PRKAG2: variants seen among roughly 807,000 people sequenced by gnomAD.
The protein encoded by PRKAG2 is 5'-AMP-activated protein kinase subunit gamma-2.
Under a neutral mutation model 69.6 loss-of-function variants are expected in PRKAG2, and 26 were observed. The ratio of observed to expected loss-of-function variants is 0.37; its 90% CI spans 0.27 to 0.52. PRKAG2 has a LOEUF of 0.52. PRKAG2 is among the 20% of genes least tolerant of loss of function. The probability of loss-of-function intolerance (pLI) is 0.90; values close to 1 mark genes in which losing one functional copy is unlikely to be tolerated. For synonymous variants in PRKAG2, 293 were observed against 285.0 expected, an observed-to-expected ratio of 1.03 and a Z score of -0.28; for missense variants, 557 against 740.0, an observed-to-expected ratio of 0.75 and a Z score of 2.87.
Position 151,837,998 on chromosome 7 carries a change from G to A in PRKAG2, c.114+38509C>T, listed in dbSNP as rs116505011. ...AGACACGCACAGGACCCTGGAGGAGGCCACACCTGGGCCTCGGGAACGCGC... is the reference window on the plus strand; with the variant it reads ...AGACACGCACAGGACCCTGGAGGAGACCACACCTGGGCCTCGGGAACGCGC... On this transcript the variant is annotated intron_variant, in intron 1 of 15. Transcript: ENST00000287878. Among the ~76,000 whole-genome samples the A allele has an allele frequency of 5.5e-3, 841 of 152,088 alleles. 8 individuals are homozygous for A. Among genetic ancestry groups the A allele is most frequent in the African/African-American group, 0.018 (760 of 41,488 alleles).
In PRKAG2 at chr7:151,591,945, C is replaced by T. The variant is rs539181080; in HGVS notation, c.864+3400G>A. 3.8e-4 allele frequency among the ~76,000 whole-genome samples: 58 copies of T among 152,274 alleles called. No homozygotes were observed. The South Asian group carries it at 7.5e-3, about 20-fold the overall frequency. ...GACCAAACAAGCTAGCCACGAGATG[C>T]GGAGACCATGCAACCTGAGCTCCCC... is the stretch of plus-strand genomic sequence containing the variant. On this transcript the variant is annotated intron_variant, in intron 6 of 15. Transcript: ENST00000287878.
In PRKAG2 at chr7:151,576,014, C is replaced by T. The variant is rs529953465; in HGVS notation, c.946+357G>A. Among the ~76,000 whole-genome samples the T allele has an allele frequency of 6.2e-4, 92 of 148,652 alleles. 1 individual carries two copies. The Middle Eastern group carries it at 0.018, about 29-fold the overall frequency. On this transcript the variant is annotated intron_variant, in intron 7 of 15. Coordinates refer to ENST00000287878, the MANE Select transcript of PRKAG2 (RefSeq NM_016203.4). ...TTTTTTTTTTTTTGACAGGGTCTCG[C>T]TCTGTCACCCAGGCTGGAGTACAGT... is the stretch of plus-strand genomic sequence containing the variant.
rs374511705 is a variant in PRKAG2 at position 151,794,641 on chromosome 7, A to G, written c.115-8100T>C. On this transcript the variant is annotated intron_variant, in intron 1 of 15. Coordinates refer to ENST00000287878, the MANE Select transcript of PRKAG2 (RefSeq NM_016203.4). ...CCCGCGGAAGCCAGGGCAGTTGCTC[A>G]CACTCAACCAAGGCCTGAGATCGGG... Among the ~76,000 whole-genome samples, 236 of 152,362 alleles carry G rather than the reference A, an allele frequency of 1.5e-3. 1 individual carries two copies. Among genetic ancestry groups the G allele is most frequent in the African/African-American group, 5.6e-3 (231 of 41,598 alleles).
At chr7:151,823,636 C>T (rs906865603) in intron 1 of PRKAG2, among the ~76,000 whole-genome samples, 1 of 152,060 alleles carries the variant, frequency 6.6e-6, no homozygotes, top group Non-Finnish European at 1.5e-5. Context: ...AACTCCACAT[C>T]AGAGGCTAGG....
chr7:151,575,985 ATTTT>A (rs34905653), intron 7 of PRKAG2, among the ~76,000 whole-genome samples: 2 of 142,374 alleles, frequency 1.4e-5, no homozygotes, highest in African/African-American at 2.6e-5. Context: ...AAAGCAAGGA[ATTTT>A]TTTTTTTTTT....
chr7:151,613,027 C>G (rs918269920), intron 5 of PRKAG2, among the ~76,000 whole-genome samples: 1 of 152,122 alleles, frequency 6.6e-6, no homozygotes, highest in African/African-American at 2.4e-5. Flanking sequence ...GGGAGCCCAG[C>G]CGATGTGTCC....
Position 151,632,094 on chromosome 7 carries a change from C to T in PRKAG2, c.729G>A (p.Leu243=). The T allele has an allele frequency of 1.4e-6, 2 of 1,417,318 alleles. No individual in the cohort carries two copies. Among genetic ancestry groups the T allele is most frequent in the Non-Finnish European group, 1.9e-6 (2 of 1,071,582 alleles). 87.8% of individuals were successfully genotyped at this position (1,417,318 alleles called of 1,614,324 possible). ...CTTCGTCCTCGAACTCCAGCTTCTC[C>T]AGCATGCCGGCTTCCGCGGGTCCCA... ...AALGPAEAGM[L]EKLEFEDEAV... The change falls in exon 5 of 16, where the codon CTG becomes CTA. Residue 243 remains leucine (L), a synonymous_variant. Transcript: ENST00000287878. The surrounding 1 kb of genome is among the most constrained non-coding windows in gnomAD (Gnocchi z 4.2).
At chr7:151,760,431 A>G (rs1013879017) in intron 3 of PRKAG2, among the ~76,000 whole-genome samples, 3 of 152,062 alleles carry the variant, frequency 2.0e-5, no homozygotes, top group African/African-American at 7.2e-5. Flanking sequence ...ACGGGGCTTC[A>G]CCATGTTGGC....
chr7:151,669,940 T>TGCCTGCACATACC (rs1175905752), intron 4 of PRKAG2, among the ~76,000 whole-genome samples: 1 of 13,414 alleles, frequency 7.5e-5, no homozygotes, highest in Non-Finnish European at 1.6e-4. Flanking sequence ...GTGCACACAC[T>TGCCTGCACATACC]TGCATGTACA....
intron 1 of PRKAG2, among the ~76,000 whole-genome samples, chr7:151,834,788 G>T (rs1354203323): frequency 6.6e-6 from 1 of 152,360 alleles, no homozygotes; most frequent in African/African-American, 2.4e-5. Context: ...CTCCTGGGGG[G>T]CTTTGAACAA....
intron 3 of PRKAG2, among the ~76,000 whole-genome samples, chr7:151,767,408 A>C (rs1286252454): frequency 6.6e-6 from 1 of 152,228 alleles, no homozygotes; most frequent in African/African-American, 2.4e-5. Context: ...CTCCTGCCTC[A>C]GCCTCCCGAG....
intron 1 of PRKAG2, among the ~76,000 whole-genome samples, chr7:151,822,523 G>C (rs769946279): frequency 6.6e-6 from 1 of 152,186 alleles, no homozygotes; most frequent in Non-Finnish European, 1.5e-5. Flanking sequence ...AGGTCCAGGG[G>C]CTCCCTTGGG....
At chr7:151,592,277 T>A (rs932530706) in intron 6 of PRKAG2, among the ~76,000 whole-genome samples, 1 of 152,100 alleles carries the variant, frequency 6.6e-6, no homozygotes, top group African/African-American at 2.4e-5. Context: ...GGGGATTACA[T>A]CCCCCAGCAG....
chr7:151,717,715 ATG>A (rs1796395363), intron 3 of PRKAG2, among the ~76,000 whole-genome samples: 1 of 152,190 alleles, frequency 6.6e-6, no homozygotes, highest in Non-Finnish European at 1.5e-5. Flanking sequence ...GCCAACTGGG[ATG>A]AAAAAGCTTT....
chr7:151,578,948 T>C (rs1809686877), intron 6 of PRKAG2, among the ~76,000 whole-genome samples: 1 of 152,206 alleles, frequency 6.6e-6, no homozygotes, highest in African/African-American at 2.4e-5. Context: ...TCTGGTAAGT[T>C]TGCTTTTCTA....
chr7:151,748,613 G>GT (rs2074452029), intron 3 of PRKAG2, among the ~76,000 whole-genome samples: 1 of 152,030 alleles, frequency 6.6e-6, no homozygotes, highest in African/African-American at 2.4e-5. Context: ...GGAATGTTTG[G>GT]TTTTTTTAAC....
Position 151,852,687 on chromosome 7 carries a change from C to T in PRKAG2, c.114+23820G>A, listed in dbSNP as rs555848576. 7.2e-5 allele frequency among the ~76,000 whole-genome samples: 11 copies of T among 152,054 alleles called. No homozygotes were observed. The East Asian group carries it at 9.7e-4, about 13-fold the overall frequency. On this transcript the variant is annotated intron_variant, in intron 1 of 15. Coordinates refer to ENST00000287878, the MANE Select transcript of PRKAG2 (RefSeq NM_016203.4). ...GGACCACAGAGATGCCAACCCCACACGCCTGAGGGTCCTATAGGAACACAA... is the reference window on the plus strand; with the variant it reads ...GGACCACAGAGATGCCAACCCCACATGCCTGAGGGTCCTATAGGAACACAA...
chr7:151,813,782 G>T (rs886928021), intron 1 of PRKAG2, among the ~76,000 whole-genome samples: 12 of 152,018 alleles, frequency 7.9e-5, no homozygotes, highest in Non-Finnish European at 1.8e-4. Context: ...CTGCTTCTTT[G>T]GATTCCCCAC....
At chr7:151,833,415 G>A (rs959464077) in intron 1 of PRKAG2, among the ~76,000 whole-genome samples, 9 of 152,212 alleles carry the variant, frequency 5.9e-5, no homozygotes, top group Non-Finnish European at 1.2e-4. Flanking sequence ...CTGCTGAGCG[G>A]AGGAGGCCCT....
Sources: gnomAD v4.1 joint callset for allele counts (sites outside exome capture counted in the v4.1 genomes callset) on GRCh38, gnomAD v4.1.1 for gene constraint, Gnocchi (gnomAD v3.1) non-coding constraint, MANE v1.5 for transcripts, NCBI Gene and HGNC (gene_info 2026-07-23, HGNC 2026-07-21) for gene names.